Variants in HGSNAT observed in about 807,000 individuals in gnomAD.
HGSNAT encodes heparan-alpha-glucosaminide N-acetyltransferase.
A neutral mutation model predicts 85.2 loss-of-function variants in HGSNAT; 59 were observed. The ratio of observed to expected loss-of-function variants is 0.69; its 90% CI spans 0.56 to 0.86. HGSNAT has a LOEUF of 0.86. Among genes scored for constraint, HGSNAT ranks in the 40% least tolerant of loss-of-function variants. HGSNAT has a pLI of 0.00. For synonymous variants in HGSNAT, 321 were observed against 304.5 expected (o/e 1.05, Z -0.56); for missense variants, 756 against 777.1 (o/e 0.97, Z 0.32).
intron 2 of HGSNAT, among the ~76,000 whole-genome samples, chr8:43,155,773 C>T (rs1803072267): frequency 6.6e-6 from 1 of 152,060 alleles, no homozygotes; most frequent in Admixed American, 6.6e-5. Flanking sequence ...TTTCATTCTT[C>T]TACATGTAAA....
chr8:43,179,543 A>G (rs1370676709), intron 10 of HGSNAT, among the ~76,000 whole-genome samples: 1 of 50,894 alleles, frequency 2.0e-5, no homozygotes, highest in East Asian at 6.1e-4. Flanking sequence ...GACCCCCCCC[A>G]CCGCCTCCCT....
chr8:43,163,519 C>T (rs2130727703), intron 5 of HGSNAT, among the ~76,000 whole-genome samples: 1 of 150,810 alleles, frequency 6.6e-6, no homozygotes, highest in East Asian at 1.9e-4. Context: ...CTCCTTTTCA[C>T]CCTTTTTTTT....
At chr8:43,159,512 T>C (rs1020663263) in intron 4 of HGSNAT, among the ~76,000 whole-genome samples, 11 of 152,026 alleles carry the variant, frequency 7.2e-5, no homozygotes, top group Admixed American at 1.3e-4. Flanking sequence ...GGCTTGAACC[T>C]GGGAGGCAGA....
chr8:43,191,750 T>C (rs1253474245), intron 12 of HGSNAT, among the ~76,000 whole-genome samples, 155 bp downstream of exon 12: 1 of 152,120 alleles, frequency 6.6e-6, no homozygotes, highest in Non-Finnish European at 1.5e-5. Context: ...TTGGCACGTG[T>C]CCAGAGTGAT....
intron 5 of HGSNAT, among the ~76,000 whole-genome samples, chr8:43,163,681 A>G (rs1197810804): frequency 6.6e-6 from 1 of 152,156 alleles, no homozygotes; most frequent in African/African-American, 2.4e-5. Context: ...ACGTGACACC[A>G]TGCCCAGCTA....
chr8:43,196,804 G>GT (rs1804741914), intron 14 of HGSNAT, 144 bp from the exon 15 acceptor site: 7 of 641,798 alleles, frequency 1.1e-5, no homozygotes, highest in Non-Finnish European at 2.0e-5. Context: ...CAGAGGTGAT[G>GT]TTTCCCGCCT....
At position 43,193,877 on chromosome 8, in the gene HGSNAT, A is replaced by G. The variant is rs759842589; in HGVS notation, c.1464+34A>G. 15 of 1,606,054 alleles carry G rather than the reference A, an allele frequency of 9.3e-6. No homozygotes were observed. The African/African-American group carries it at 1.9e-4, about 20-fold the overall frequency. ...TCATTTCATTAGGTTACTTTTTCTGACAATTTATGATATTTTATTCACTCA... is the reference window on the plus strand; with the variant it reads ...TCATTTCATTAGGTTACTTTTTCTGGCAATTTATGATATTTTATTCACTCA... On this transcript the variant is annotated intron_variant, in intron 14 of 17. Transcript: ENST00000379644.
Position 43,197,743 on chromosome 8 carries a change from G to C in HGSNAT, c.1613+1G>C. ...TTATTCCAGTAAACAAAAATCTCTG[G>C]TATGTATGGAAAAAGCATGATTTTA... On this transcript the variant is annotated splice_donor_variant, in intron 16 of 17. Transcript: ENST00000379644. LOFTEE classifies it high-confidence loss of function. The C allele has an allele frequency of 2.5e-6, 4 of 1,611,536 alleles. No individual in the cohort carries two copies. The highest frequency in any genetic ancestry group is 3.4e-6 in the Non-Finnish European group (4 of 1,177,688).
chr8:43,172,532 G>A (rs1477892055), intron 8 of HGSNAT, 146 bp downstream of exon 8: 1 of 617,486 alleles, frequency 1.6e-6, no homozygotes, highest in African/African-American at 1.8e-5. Context: ...CTCCCTCCTA[G>A]GGTGACCTGT....
chr8:43,159,321 C>T (rs1803195193), intron 4 of HGSNAT, among the ~76,000 whole-genome samples: 1 of 152,140 alleles, frequency 6.6e-6, no homozygotes, highest in Non-Finnish European at 1.5e-5. Flanking sequence ...GGCATGGTGG[C>T]TCATGCTTGT....
At chr8:43,146,912 T>C (rs751787732) in intron 1 of HGSNAT, 36 bp from the exon 2 acceptor site, 116 of 1,085,878 alleles carry the variant, frequency 1.1e-4, no homozygotes, top group Admixed American at 1.4e-4. Flanking sequence ...CGGGTGCCTT[T>C]TTTTTTTTTT....
chr8:43,159,076 T>C (rs749415198), intron 4 of HGSNAT, 32 bp downstream of exon 4: 2 of 1,594,136 alleles, frequency 1.3e-6, no homozygotes, highest in Non-Finnish European at 1.7e-6. Context: ...ATTTTCACAT[T>C]TGCATTTTCA....
At chr8:43,197,977 G>A in intron 17 of HGSNAT, 25 bp downstream of exon 17, 1 of 1,529,110 alleles carries the variant, frequency 6.5e-7, no homozygotes, top group Non-Finnish European at 9.0e-7. Context: ...ACCTCAAACA[G>A]AGCTGGGATG....
intron 1 of HGSNAT, among the ~76,000 whole-genome samples, chr8:43,142,393 C>T (rs1802578900): frequency 6.6e-6 from 1 of 152,022 alleles, no homozygotes; most frequent in Non-Finnish European, 1.5e-5. Flanking sequence ...AGCTCAGTTT[C>T]GAGGTCATAT....
intron 2 of HGSNAT, among the ~76,000 whole-genome samples, chr8:43,153,624 T>A (rs1274012113): frequency 1.3e-5 from 2 of 152,188 alleles, no homozygotes; most frequent in African/African-American, 4.8e-5. Context: ...TACATTATTG[T>A]TAACTATAGT....
intron 8 of HGSNAT, among the ~76,000 whole-genome samples, chr8:43,173,351 C>T (rs187872231): frequency 3.2e-4 from 48 of 151,642 alleles, no homozygotes; most frequent in African/African-American, 1.1e-3. Context: ...TTCTTGTCAC[C>T]CAGGCTGGAG....
intron 2 of HGSNAT, among the ~76,000 whole-genome samples, chr8:43,150,102 G>A (rs1032453920): frequency 2.6e-5 from 4 of 152,062 alleles, no homozygotes; most frequent in Non-Finnish European, 4.4e-5. Context: ...GACTACAGGC[G>A]CCCGCCACCG....
In HGSNAT at chr8:43,147,070, A is replaced by G; in HGVS notation, c.234+7A>G. 1 of 1,511,214 alleles carries G rather than the reference A, an allele frequency of 6.6e-7. No individual in the cohort carries two copies. Among genetic ancestry groups the G allele is most frequent in the Non-Finnish European group, 9.1e-7 (1 of 1,094,486 alleles). 93.6% of individuals were successfully genotyped at this position (1,511,214 alleles called of 1,614,324 possible). On this transcript the variant is annotated splice_region_variant and intron_variant, in intron 2 of 17. Coordinates refer to ENST00000379644, the MANE Select transcript of HGSNAT (RefSeq NM_152419.3). ...ATCTGAATGCTGTTATCACGTATGTATCAGTTCACACTCAGTTCTGTTTGC... is the reference window on the plus strand; with the variant it reads ...ATCTGAATGCTGTTATCACGTATGTGTCAGTTCACACTCAGTTCTGTTTGC...
chr8:43,150,866 T>A (rs531733463), intron 2 of HGSNAT, among the ~76,000 whole-genome samples: 1 of 137,372 alleles, frequency 7.3e-6, no homozygotes, highest in African/African-American at 2.6e-5. Context: ...AATAAATAAA[T>A]AAAATAAAAT....
Sources: gnomAD v4.1 joint callset for allele counts (sites outside exome capture counted in the v4.1 genomes callset) on GRCh38, gnomAD v4.1.1 for gene constraint, MANE v1.5 for transcripts, NCBI Gene and HGNC (gene_info 2026-07-23, HGNC 2026-07-21) for gene names.